Variants in GNA12 observed in about 807,000 individuals in gnomAD.
GNA12 encodes the protein G protein subunit alpha 12.
In GNA12, 9 loss-of-function variants were observed where a neutral mutation model predicts 26.0. That is an observed-to-expected ratio of 0.35 (90% confidence interval 0.21 to 0.60). The LOEUF is 0.60. Among genes scored for constraint, GNA12 ranks in the 20% least tolerant of loss-of-function variants. GNA12 has a pLI of 0.78. For missense variants in GNA12, 405 were observed against 525.8 expected (o/e 0.77, Z 2.25); for synonymous variants, 264 against 219.6 (o/e 1.20, Z -1.79).
intron 2 of GNA12, among the ~76,000 whole-genome samples, chr7:2,780,123 A>T (rs1172577549): frequency 7.2e-6 from 1 of 138,698 alleles, no homozygotes; most frequent in South Asian, 2.4e-4. Context: ...CAGAAACAGG[A>T]TATATATTTT....
intron 2 of GNA12, among the ~76,000 whole-genome samples, chr7:2,782,553 T>C (rs1792256133): frequency 6.6e-6 from 1 of 152,228 alleles, no homozygotes; most frequent in Non-Finnish European, 1.5e-5. Context: ...GCTGTCAAAC[T>C]GTCACTCCTT....
chr7:2,844,294 T>G lies in GNA12; in HGVS notation c.-133A>C, dbSNP rs184273549. ...CTCAGGCCGCGTCCGCCGCCGCCGCTGCAGTCGCTCCGAGGCCCGCACTCG... is the reference window on the plus strand; with the variant it reads ...CTCAGGCCGCGTCCGCCGCCGCCGCGGCAGTCGCTCCGAGGCCCGCACTCG... On this transcript the variant is annotated 5_prime_UTR_variant, in exon 1 of 4. Coordinates refer to ENST00000275364, the MANE Select transcript of GNA12 (RefSeq NM_007353.3). 0.11 allele frequency: 31,577 copies of G among 297,644 alleles called. 1,885 individuals carry two copies. The highest frequency in any genetic ancestry group is 0.15 in the Admixed American group (2,219 of 15,106). 18.4% of individuals were successfully genotyped at this position (297,644 alleles called of 1,614,324 possible). A position where few individuals can be genotyped will look rare whatever the true frequency, so the allele number is the denominator to read the frequency against.
rs767305187 is a variant in GNA12, at chr7:2,728,557, T to A, written c.*2624A>T. 1.1e-4 allele frequency: 17 copies of A among 152,490 alleles called. No homozygotes were observed. Among genetic ancestry groups the A allele is most frequent in the Non-Finnish European group, 1.6e-4 (11 of 68,036 alleles). 9.4% of individuals were successfully genotyped at this position (152,490 alleles called of 1,614,324 possible). On this transcript the variant is annotated 3_prime_UTR_variant, in exon 4 of 4. Coordinates refer to ENST00000275364, the MANE Select transcript of GNA12 (RefSeq NM_007353.3). The stretch of plus-strand genomic sequence containing the variant: ...ACACAGTATAGCTATGAGGAACAGA[T>A]CTTATTTTGAGGAACTTTATTGTTA...
At chr7:2,823,573 A>G (rs901743748) in intron 1 of GNA12, among the ~76,000 whole-genome samples, 1 of 152,250 alleles carries the variant, frequency 6.6e-6, no homozygotes, top group Non-Finnish European at 1.5e-5. Context: ...GTCGTTGCTT[A>G]AAAGAATTAG....
At chr7:2,751,094 T>G (rs887718154) in intron 2 of GNA12, among the ~76,000 whole-genome samples, 1 of 152,112 alleles carries the variant, frequency 6.6e-6, no homozygotes, top group African/African-American at 2.4e-5. Context: ...TTGCTTTACA[T>G]GCTTATATTA....
intron 2 of GNA12, chr7:2,775,642 G>A (rs1019483841): frequency 4.6e-5 from 7 of 152,242 alleles, no homozygotes; most frequent in African/African-American, 1.7e-4. Context: ...CTACCCAACA[G>A]CCTGTTCTAA....
intron 2 of GNA12, among the ~76,000 whole-genome samples, chr7:2,773,949 G>T (rs192188726): frequency 2.0e-5 from 3 of 152,372 alleles, no homozygotes; most frequent in African/African-American, 4.8e-5. Flanking sequence ...GGAAGAACGT[G>T]CCGCAGAATT....
At chr7:2,836,413 G>A (rs117831067) in intron 1 of GNA12, among the ~76,000 whole-genome samples, 324 of 152,344 alleles carry the variant, frequency 2.1e-3, no homozygotes, top group Admixed American at 8.4e-3. Flanking sequence ...GCTACCCAGC[G>A]ACCTCAGGAC....
intron 2 of GNA12, among the ~76,000 whole-genome samples, chr7:2,779,215 T>A (rs535384750): frequency 6.6e-6 from 1 of 152,130 alleles, no homozygotes; most frequent in South Asian, 2.1e-4. Context: ...CCTGATGTGG[T>A]GGCATGCCTG....
intron 2 of GNA12, 42 bp from the exon 3 acceptor site, chr7:2,733,543 GGAATC>G: frequency 2.0e-6 from 3 of 1,521,696 alleles, no homozygotes; most frequent in Non-Finnish European, 2.7e-6. Context: ...TCTGGACTGA[GGAATC>G]CTGATGTGGC....
intron 1 of GNA12, among the ~76,000 whole-genome samples, chr7:2,829,808 G>C (rs1345953537): frequency 3.9e-5 from 6 of 152,090 alleles, no homozygotes; most frequent in African/African-American, 1.2e-4. Context: ...GTTCTCAGAC[G>C]TGCTCGAGGC....
intron 2 of GNA12, among the ~76,000 whole-genome samples, chr7:2,742,875 G>A (rs955617947): frequency 3.3e-5 from 5 of 152,078 alleles, no homozygotes; most frequent in African/African-American, 1.2e-4. Context: ...TCTGTATATT[G>A]GCTTGTGCCT....
chr7:2,790,336 G>C (rs1038352496), intron 2 of GNA12, among the ~76,000 whole-genome samples: 1 of 152,188 alleles, frequency 6.6e-6, no homozygotes, highest in Non-Finnish European at 1.5e-5. Flanking sequence ...ACTGTAGCCT[G>C]GAACTCCTGG....
At chr7:2,808,904 C>T (rs1793012682) in intron 1 of GNA12, among the ~76,000 whole-genome samples, 1 of 152,214 alleles carries the variant, frequency 6.6e-6, no homozygotes, top group African/African-American at 2.4e-5. Flanking sequence ...AGAGGCACAT[C>T]CTCACTTCTG....
chr7:2,742,120 C>T (rs1353350208), intron 2 of GNA12, among the ~76,000 whole-genome samples: 1 of 152,010 alleles, frequency 6.6e-6, no homozygotes, highest in Non-Finnish European at 1.5e-5. Context: ...CTCCCAGGTT[C>T]AAGAGATTCT....
chr7:2,781,579 C>G (rs1299578973), intron 2 of GNA12, among the ~76,000 whole-genome samples: 1 of 152,110 alleles, frequency 6.6e-6, no homozygotes, highest in Non-Finnish European at 1.5e-5. Context: ...AAAGGGCTAG[C>G]AAACTTTTCC....
chr7:2,781,893 G>C (rs542447398), intron 2 of GNA12, among the ~76,000 whole-genome samples: 3 of 152,280 alleles, frequency 2.0e-5, no homozygotes, highest in African/African-American at 7.2e-5. Context: ...AAGACTCACA[G>C]TTCCCACTTT....
intron 1 of GNA12, among the ~76,000 whole-genome samples, chr7:2,829,599 T>C (rs1583314157): frequency 6.6e-6 from 1 of 152,238 alleles, no homozygotes; most frequent in Non-Finnish European, 1.5e-5. Context: ...TTTTATATCA[T>C]CTATATACTT....
At chr7:2,767,511 G>A (rs1035288318) in intron 2 of GNA12, among the ~76,000 whole-genome samples, 3 of 152,112 alleles carry the variant, frequency 2.0e-5, no homozygotes. Context: ...TAGCCACCTG[G>A]GGGCATTTCC....
Sources: allele counts gnomAD v4.1 joint callset (sites outside exome capture counted in the v4.1 genomes callset), GRCh38; gene constraint gnomAD v4.1.1; transcripts MANE v1.5; gene names NCBI Gene and HGNC (gene_info 2026-07-23, HGNC 2026-07-21).